The following PELI2 variants were observed in gnomAD, a reference collection of about 807,000 sequenced individuals.
The protein encoded by PELI2 is pellino E3 ubiquitin protein ligase family member 2.
PELI2 carries 23 observed loss-of-function variants against 42.3 expected under a neutral mutation model. The observed-to-expected ratio is 0.54, with a 90% CI of 0.39 to 0.77. The LOEUF is 0.77. Among genes scored for constraint, PELI2 ranks in the 30% least tolerant of loss-of-function variants. The pLI is 0.00. For missense variants in PELI2, 463 were observed against 553.2 expected (o/e 0.84, Z 1.64); for synonymous variants, 245 against 212.2 (o/e 1.15, Z -1.34).
chr14:56,267,730 G>A (rs187695724), intron 2 of PELI2, among the ~76,000 whole-genome samples: 104 of 152,146 alleles, frequency 6.8e-4, no homozygotes, highest in Non-Finnish European at 1.3e-3. Flanking sequence ...TTAAATTTAG[G>A]CCAAGTCTTA....
rs1256514001 is a variant in PELI2, at chr14:56,290,295, G to T, written c.535G>T (p.Asp179Tyr). 1.9e-6 allele frequency: 3 copies of T among 1,599,178 alleles called. No individual in the cohort carries two copies. In the African/African-American group the frequency reaches 4.0e-5, roughly 21 times the overall value. Residue 179 changes from aspartate to tyrosine, a missense_variant, in exon 5 of 6, where the codon GAC becomes TAC. Asp to Tyr is a radical substitution (Grantham distance 160). Around this residue, in one of 3 missense-constraint regions of PELI2, gnomAD observed 343 missense variants for 378.4 expected, o/e 0.91. Coordinates refer to ENST00000267460, the MANE Select transcript of PELI2 (RefSeq NM_021255.3). ...GEKAAKWKNP[D>Y]GHMDGLTTNG... Reference sequence around the variant, plus strand: ...AAAGGCAGCAAAGTGGAAAAACCCCGACGGCCACATGGATGGGCTCACTAC... The same window carrying T: ...AAAGGCAGCAAAGTGGAAAAACCCCTACGGCCACATGGATGGGCTCACTAC...
rs1368042059 is a variant in PELI2 at position 56,288,611 on chromosome 14, T to G, written c.484T>G (p.Ser162Ala). The G allele has an allele frequency of 1.2e-5, 20 of 1,613,400 alleles. No homozygotes were observed. The highest frequency in any genetic ancestry group is 1.5e-5 in the Non-Finnish European group (18 of 1,179,562). Residue 162 changes from serine to alanine, a missense_variant, in exon 4 of 6, where the codon TCT becomes GCT. Physicochemically the swap from Ser to Ala is moderately conservative, Grantham distance 99 (BLOSUM62 1). Transcript: ENST00000267460. This position sits in a 1 kb window ranked among gnomAD's most constrained non-coding sequence, Gnocchi z 4.6. The part of the protein sequence containing the change: ...TARIFAAGFD[S>A]SKNIFLGEKA... ...ACGGATATTCGCCGCCGGATTTGAC[T>G]CTTCCAAAAACATATTTCTTGGAGT...
chr14:56,189,564 G>T (rs534246534), intron 2 of PELI2, among the ~76,000 whole-genome samples: 1 of 152,186 alleles, frequency 6.6e-6, no homozygotes, highest in Non-Finnish European at 1.5e-5. Context: ...CACCTGGAAC[G>T]CATCATATGC....
chr14:56,222,664 A>G (rs1305217548), intron 2 of PELI2, among the ~76,000 whole-genome samples: 2 of 152,248 alleles, frequency 1.3e-5, no homozygotes, highest in African/African-American at 4.8e-5. Flanking sequence ...GAGCAGAGCC[A>G]GCTCTAGTTT....
intron 2 of PELI2, among the ~76,000 whole-genome samples, chr14:56,211,048 AT>A (rs1886696781): frequency 6.6e-6 from 1 of 152,184 alleles, no homozygotes; most frequent in Admixed American, 6.5e-5. Flanking sequence ...TATATGCAAG[AT>A]TTCTAAGCCA....
chr14:56,201,010 G>A (rs1192929950), intron 2 of PELI2, among the ~76,000 whole-genome samples: 2 of 152,040 alleles, frequency 1.3e-5, no homozygotes, highest in Non-Finnish European at 2.9e-5. Flanking sequence ...TTTAATCTAG[G>A]TATAAAACAC....
At chr14:56,239,431 T>C (rs574330507) in intron 2 of PELI2, among the ~76,000 whole-genome samples, 1 of 152,356 alleles carries the variant, frequency 6.6e-6, no homozygotes, top group African/African-American at 2.4e-5. Context: ...CCTACCAACA[T>C]ATGAGAACTG....
At position 56,300,611 on chromosome 14, in the gene PELI2, A is replaced by G. The variant is rs1223234855; in HGVS notation, c.*3445A>G. Reference sequence around the variant, plus strand: ...TTCACTTCTTTTCTTTTTTAAAGCCATTCTGTTCTTTGGATGTGCTTGAAA... The same window carrying G: ...TTCACTTCTTTTCTTTTTTAAAGCCGTTCTGTTCTTTGGATGTGCTTGAAA... On this transcript the variant is annotated 3_prime_UTR_variant, in exon 6 of 6. Transcript: ENST00000267460. 6.6e-6 allele frequency: 1 copy of G among 152,170 alleles called. No homozygotes were observed. The highest frequency in any genetic ancestry group is 1.5e-5 in the Non-Finnish European group (1 of 68,032). 9.4% of individuals were successfully genotyped at this position (152,170 alleles called of 1,614,324 possible).
At position 56,288,453 on chromosome 14, in the gene PELI2, A is replaced by G; in HGVS notation, c.326A>G (p.Glu109Gly). The G allele has an allele frequency of 6.2e-7, 1 of 1,613,948 alleles. No individual in the cohort carries two copies. The highest frequency in any genetic ancestry group is 8.5e-7 in the Non-Finnish European group (1 of 1,179,880). ...TTTACTTAGGTGGGCAGATCAACAG[A>G]AAGCCCTATCGACTTCGTTGTCACA... ...TDMFQVGRST[E>G]SPIDFVVTDT... The change falls in exon 4 of 6, where the codon GAA becomes GGA. Residue 109 changes from glutamate to glycine, a missense_variant. Around this residue, in one of 3 missense-constraint regions of PELI2, gnomAD observed 343 missense variants for 378.4 expected, o/e 0.91. Transcript: ENST00000267460. This position sits in a 1 kb window ranked among gnomAD's most constrained non-coding sequence, Gnocchi z 4.6.
chr14:56,242,317 C>T (rs1485223755), intron 2 of PELI2, among the ~76,000 whole-genome samples: 3 of 152,160 alleles, frequency 2.0e-5, no homozygotes, highest in East Asian at 1.9e-4. Flanking sequence ...ATACCATAGT[C>T]GTAGCCATGA....
At chr14:56,267,009 G>T (rs58920600) in intron 2 of PELI2, among the ~76,000 whole-genome samples, 405 of 152,124 alleles carry the variant, frequency 2.7e-3, no homozygotes, top group African/African-American at 9.4e-3. Context: ...TACTGTGCTG[G>T]TATAGGCATA....
intron 5 of PELI2, 117 bp downstream of exon 5, chr14:56,290,573 T>C (rs1365809061): frequency 6.5e-6 from 4 of 617,560 alleles, no homozygotes; most frequent in Non-Finnish European, 1.0e-5. Context: ...CGCCATGTAC[T>C]GTAACTCAGG....
At chr14:56,142,563 C>T (rs927577409) in intron 1 of PELI2, among the ~76,000 whole-genome samples, 1 of 152,166 alleles carries the variant, frequency 6.6e-6, no homozygotes, top group East Asian at 1.9e-4. Context: ...TCTTTGCATA[C>T]GCATTTACAC....
intron 2 of PELI2, among the ~76,000 whole-genome samples, chr14:56,243,374 A>G (rs2139799059): frequency 6.6e-6 from 1 of 152,266 alleles, no homozygotes; most frequent in Non-Finnish European, 1.5e-5. Flanking sequence ...TGGAGCTAAC[A>G]GGCACTGATC....
intron 2 of PELI2, among the ~76,000 whole-genome samples, chr14:56,231,212 T>C (rs551547421): frequency 4.6e-5 from 7 of 152,170 alleles, no homozygotes; most frequent in Non-Finnish European, 1.0e-4. Context: ...GACAGAAAGT[T>C]AACAAGGATA....
chr14:56,164,534 T>C (rs189727150), intron 1 of PELI2, among the ~76,000 whole-genome samples: 9 of 152,292 alleles, frequency 5.9e-5, no homozygotes, highest in African/African-American at 2.2e-4. Context: ...GGTTTTGGTA[T>C]CAGGGAAATA....
In PELI2 at chr14:56,294,338, G is replaced by C. The variant is rs147598518; in HGVS notation, c.697-2262G>C. On this transcript the variant is annotated intron_variant, in intron 5 of 5. Transcript: ENST00000267460. The stretch of plus-strand genomic sequence containing the variant: ...TTGCTCTTGCACCTGCCTGTGGGCA[G>C]TCCGAGGTAGTGCGCTCATGGACTC... Among the ~76,000 whole-genome samples, 865 of 152,300 alleles carry C rather than the reference G, an allele frequency of 5.7e-3. 10 individuals carry two copies. The highest frequency in any genetic ancestry group is 0.019 in the African/African-American group (803 of 41,568).
At chr14:56,287,441 A>G (rs1889681314) in intron 3 of PELI2, among the ~76,000 whole-genome samples, 1 of 152,206 alleles carries the variant, frequency 6.6e-6, no homozygotes, top group African/African-American at 2.4e-5. Flanking sequence ...AATCTAGCAG[A>G]GAGGAGATTT....
intron 2 of PELI2, among the ~76,000 whole-genome samples, chr14:56,265,291 T>C (rs1888859088): frequency 6.6e-6 from 1 of 152,114 alleles, no homozygotes; most frequent in Admixed American, 6.6e-5. Context: ...GATAGATAAA[T>C]AGATCATCAC....
Sources: allele counts gnomAD v4.1 joint callset (sites outside exome capture counted in the v4.1 genomes callset), GRCh38; gene constraint gnomAD v4.1.1; regional missense constraint gnomAD v4.1.1; non-coding constraint Gnocchi (gnomAD v3.1); transcripts MANE v1.5; gene names NCBI Gene and HGNC (gene_info 2026-07-23, HGNC 2026-07-21).